DIAPH3: variants seen among roughly 807,000 people sequenced by gnomAD.
DIAPH3 encodes protein diaphanous homolog 3.
In DIAPH3, 117 loss-of-function variants were observed where a neutral mutation model predicts 144.3. The ratio of observed to expected loss-of-function variants is 0.81; its 90% CI spans 0.70 to 0.95. The LOEUF is 0.95. DIAPH3 is among the 40% of genes least tolerant of loss of function. The pLI is 0.00. For missense variants in DIAPH3, 1,421 were observed against 1,412.7 expected (o/e 1.01, Z -0.09); for synonymous variants, 519 against 488.9 (o/e 1.06, Z -0.81).
At chr13:60,140,692 A>G in intron 1 of DIAPH3, among the ~76,000 whole-genome samples, 1 of 152,090 alleles carries the variant, frequency 6.6e-6, no homozygotes, top group Admixed American at 6.5e-5. Flanking sequence ...CAATAAGCAT[A>G]TTTACTTTTA....
intron 1 of DIAPH3, among the ~76,000 whole-genome samples, chr13:60,145,784 T>C (rs1333695509): frequency 2.0e-5 from 3 of 152,116 alleles, no homozygotes; most frequent in Admixed American, 2.0e-4. Context: ...AAATGTGTAA[T>C]AGAAATGAAA....
At chr13:59,772,773 G>C (rs1276685139) in intron 27 of DIAPH3, among the ~76,000 whole-genome samples, 1 of 151,908 alleles carries the variant, frequency 6.6e-6, no homozygotes, top group African/African-American at 2.4e-5. Flanking sequence ...TTTGGCTGTG[G>C]CTCTTTTTTA....
At chr13:59,970,341 T>TTAG (rs1177249002) in intron 16 of DIAPH3, among the ~76,000 whole-genome samples, 1 of 152,198 alleles carries the variant, frequency 6.6e-6, no homozygotes, top group Non-Finnish European at 1.5e-5. Context: ...AATCTTCACC[T>TTAG]GCACTATACA....
chr13:59,725,429 A>G (rs944396629), intron 27 of DIAPH3, among the ~76,000 whole-genome samples: 4 of 152,230 alleles, frequency 2.6e-5, no homozygotes, highest in African/African-American at 9.6e-5. Context: ...GGTTTTCCTA[A>G]TGAATTGTCC....
At chr13:59,972,480 A>G (rs1006532344) in intron 15 of DIAPH3, among the ~76,000 whole-genome samples, 13 of 152,216 alleles carry the variant, frequency 8.5e-5, no homozygotes, top group African/African-American at 3.1e-4. Flanking sequence ...TTGAATTTTC[A>G]TGGCACAATT....
chr13:60,049,245 C>T (rs143041727), intron 4 of DIAPH3, among the ~76,000 whole-genome samples: 1 of 152,206 alleles, frequency 6.6e-6, no homozygotes, highest in East Asian at 1.9e-4. Flanking sequence ...ACAATTCAGG[C>T]ACAGAAGCAG....
At chr13:59,943,313 T>C (rs1049371447) in intron 17 of DIAPH3, among the ~76,000 whole-genome samples, 2 of 152,222 alleles carry the variant, frequency 1.3e-5, no homozygotes, top group African/African-American at 4.8e-5. Context: ...GGCACACAGC[T>C]ACCTAGTGGT....
chr13:59,997,955 T>C lies in DIAPH3; in HGVS notation c.1015-5372A>G, dbSNP rs191059915. Among the ~76,000 whole-genome samples the C allele has an allele frequency of 1.2e-4, 19 of 152,242 alleles. No individual in the cohort carries two copies. The East Asian group carries it at 3.7e-3, about 29-fold the overall frequency. On this transcript the variant is annotated intron_variant, in intron 9 of 27. Transcript: ENST00000400324. Reference sequence around the variant, plus strand: ...TCTATCAGAGGCTGCAAAAGCTTATTATCTGGGCCTGGAAGATACAGTTTA... The same window carrying C: ...TCTATCAGAGGCTGCAAAAGCTTATCATCTGGGCCTGGAAGATACAGTTTA...
intron 17 of DIAPH3, among the ~76,000 whole-genome samples, chr13:59,941,782 G>A (rs2048546486): frequency 6.6e-6 from 1 of 151,538 alleles, no homozygotes; most frequent in Non-Finnish European, 1.5e-5. Context: ...AACTCAATTA[G>A]GAAAAAAAAT....
At chr13:60,027,650 T>C (rs1362506212) in intron 5 of DIAPH3, among the ~76,000 whole-genome samples, 4 of 152,158 alleles carry the variant, frequency 2.6e-5, no homozygotes, top group African/African-American at 7.2e-5. Context: ...GATACTGGTA[T>C]GTGCTCTAAT....
intron 4 of DIAPH3, among the ~76,000 whole-genome samples, chr13:60,092,711 G>T (rs1226862009): frequency 6.6e-6 from 1 of 151,904 alleles, no homozygotes; most frequent in East Asian, 1.9e-4. Flanking sequence ...TTCTATACCT[G>T]AAGAGCAAGC....
intron 1 of DIAPH3, among the ~76,000 whole-genome samples, chr13:60,142,355 C>T (rs1237345142): frequency 6.6e-6 from 1 of 152,084 alleles, no homozygotes; most frequent in Admixed American, 6.5e-5. Flanking sequence ...ACTCTCAAAA[C>T]ACTGTAAAGC....
At chr13:59,734,907 A>G (rs2036068396) in intron 27 of DIAPH3, among the ~76,000 whole-genome samples, 1 of 152,264 alleles carries the variant, frequency 6.6e-6, no homozygotes, top group Admixed American at 6.5e-5. Context: ...ACAAAAATTT[A>G]ACACCACAGA....
intron 27 of DIAPH3, among the ~76,000 whole-genome samples, chr13:59,766,231 C>T (rs1490459662): frequency 2.6e-5 from 4 of 152,088 alleles, no homozygotes; most frequent in African/African-American, 4.8e-5. Context: ...TCACAGGGCC[C>T]GGGAGGCACC....
chr13:59,983,746 C>A (rs538414839), intron 13 of DIAPH3, 23 bp downstream of exon 13: 5 of 1,428,788 alleles, frequency 3.5e-6, no homozygotes, highest in African/African-American at 2.8e-5. Flanking sequence ...TAAGATATTT[C>A]TATTTAAATA....
chr13:59,969,108 A>T (rs766419962), intron 17 of DIAPH3, among the ~76,000 whole-genome samples: 1 of 152,214 alleles, frequency 6.6e-6, no homozygotes, highest in African/African-American at 2.4e-5. Context: ...TTCTGTGTGG[A>T]TATCAGCCTT....
chr13:59,927,127 G>A (rs1460679740), intron 17 of DIAPH3, among the ~76,000 whole-genome samples: 1 of 152,126 alleles, frequency 6.6e-6, no homozygotes, highest in Admixed American at 6.5e-5. Flanking sequence ...ACTGATACAA[G>A]TATAGCTTAT....
At chr13:59,783,960 CTAT>C (rs1393884196) in intron 25 of DIAPH3, among the ~76,000 whole-genome samples, 1 of 152,188 alleles carries the variant, frequency 6.6e-6, no homozygotes, top group Non-Finnish European at 1.5e-5. Context: ...GAGGAAATGA[CTAT>C]TATCAACCTG....
intron 25 of DIAPH3, among the ~76,000 whole-genome samples, chr13:59,804,324 A>G (rs2040085268): frequency 6.6e-6 from 1 of 152,194 alleles, no homozygotes; most frequent in African/African-American, 2.4e-5. Context: ...GACAGTTACC[A>G]CAATCATTTT....
Sources: allele counts gnomAD v4.1 joint callset (sites outside exome capture counted in the v4.1 genomes callset), GRCh38; gene constraint gnomAD v4.1.1; transcripts MANE v1.5; gene names NCBI Gene and HGNC (gene_info 2026-07-23, HGNC 2026-07-21).